The following RNF14 variants were observed in gnomAD, a reference collection of about 807,000 sequenced individuals.
RNF14 encodes the protein ring finger protein 14, also known as E3 ubiquitin-protein ligase RNF14.
Under a neutral mutation model 52.6 loss-of-function variants are expected in RNF14, and 26 were observed. The ratio of observed to expected loss-of-function variants is 0.49; its 90% CI spans 0.36 to 0.69. The LOEUF (loss-of-function observed/expected upper bound fraction) is 0.69. Ranked by LOEUF, RNF14 falls within the 30% of genes least tolerant of loss-of-function variation. The pLI is 0.00. For synonymous variants in RNF14, 194 were observed against 202.0 expected, an observed-to-expected ratio of 0.96 and a Z score of 0.34; for missense variants, 404 against 560.4, an observed-to-expected ratio of 0.72 and a Z score of 2.82.
At chr5:141,973,548 C>T (rs2126988864) in intron 2 of RNF14, 35 bp from the exon 3 acceptor site, 1 of 1,578,754 alleles carries the variant, frequency 6.3e-7, no homozygotes, top group Non-Finnish European at 8.6e-7. Context: ...AGCCTCTGTG[C>T]ATTTTCTGTT....
upstream of RNF14, among the ~76,000 whole-genome samples, chr5:141,968,491 T>G (rs565250519): frequency 3.3e-5 from 5 of 152,346 alleles, no homozygotes; most frequent in South Asian, 1.0e-3. Context: ...AGGAAGGAAG[T>G]GTATAATTTT....
upstream of RNF14, chr5:141,957,541 C>T (rs765136839): frequency 3.1e-6 from 5 of 1,614,196 alleles, no homozygotes; most frequent in Non-Finnish European, 4.2e-6. This position sits in a 1 kb window ranked among gnomAD's most constrained non-coding sequence, Gnocchi z 4.3. Context: ...GGAAACCAGG[C>T]AGGGATCCCA....
chr5:141,986,991 A>G lies in RNF14; in HGVS notation c.1368-742A>G, dbSNP rs78683441. ...ACGAAAACCTCAGTCCACATCCTCC[A>G]TAGACTGGCTAGAACCACTCCATGG... On this transcript the variant is annotated intron_variant, in intron 8 of 8. Transcript: ENST00000394520. 7.8e-3 allele frequency among the ~76,000 whole-genome samples: 1,181 copies of G among 152,350 alleles called. 14 individuals carry two copies. Among genetic ancestry groups the G allele is most frequent in the African/African-American group, 0.026 (1,096 of 41,580 alleles).
At chr5:141,957,168 G>T, upstream of RNF14, 1 of 1,614,200 alleles carries the variant, frequency 6.2e-7, no homozygotes, top group Non-Finnish European at 8.5e-7. This position sits in a 1 kb window ranked among gnomAD's most constrained non-coding sequence, Gnocchi z 4.3. Context: ...CCTTGACCAA[G>T]CTGGTACCTG....
At position 141,980,010 on chromosome 5, in the gene RNF14, A is replaced by C. The variant is rs1406654200; in HGVS notation, c.835-113A>C. 1.3e-5 allele frequency: 10 copies of C among 786,570 alleles called. No homozygotes were observed. In the East Asian group the frequency reaches 2.5e-4, roughly 19 times the overall value. 48.7% of individuals were successfully genotyped at this position (786,570 alleles called of 1,614,324 possible). A position where few individuals can be genotyped will look rare whatever the true frequency, so the allele number is the denominator to read the frequency against. On this transcript the variant is annotated intron_variant, in intron 5 of 8. Coordinates refer to ENST00000394520, the MANE Select transcript of RNF14 (RefSeq NM_004290.5). ...ACTTGGTTTGATTTTGAAGTGAAAG[A>C]GAGGTTTTAATTTATGTGCCCATCT...
At chr5:141,982,783 T>A (rs1211798356) in intron 6 of RNF14, 1 of 152,462 alleles carries the variant, frequency 6.6e-6, no homozygotes. Context: ...GTCTTTGCCC[T>A]TAAGCCAAAA....
chr5:141,986,492 T>A (rs777459127), intron 8 of RNF14, among the ~76,000 whole-genome samples: 6 of 152,220 alleles, frequency 3.9e-5, no homozygotes, highest in Non-Finnish European at 7.3e-5. Context: ...TCAGTTTAAA[T>A]TGCCTGACTT....
At chr5:141,953,351 T>C (rs993662716), upstream of RNF14, 3 of 152,206 alleles carry the variant, frequency 2.0e-5, no homozygotes, top group Admixed American at 1.3e-4. Context: ...ATGAGCTTAT[T>C]AATAAATCCC....
At chr5:141,952,711 T>G in the RNF14 span, 8 of 152,356 alleles carry the variant, frequency 5.3e-5, no homozygotes, top group East Asian at 1.5e-3. Flanking sequence ...GACCTCAGTT[T>G]CCTCATCTCT....
chr5:141,966,565 G>A (rs1236974430), upstream of RNF14, among the ~76,000 whole-genome samples: 1 of 152,114 alleles, frequency 6.6e-6, no homozygotes, highest in Non-Finnish European at 1.5e-5. Flanking sequence ...CACACGGGGA[G>A]ACTGCAGTTT....
upstream of RNF14, chr5:141,955,063 T>C: frequency 6.2e-7 from 1 of 1,614,214 alleles, no homozygotes; most frequent in Non-Finnish European, 8.5e-7. The surrounding 1 kb of genome is among the most constrained non-coding windows in gnomAD (Gnocchi z 5.5). Flanking sequence ...CCGCAGGATC[T>C]GACGGGGCCC....
intron 7 of RNF14, among the ~76,000 whole-genome samples, chr5:141,984,594 A>G (rs1755074436): frequency 6.6e-6 from 1 of 152,200 alleles, no homozygotes. Context: ...CCAAGTAACT[A>G]ATTGTAGTAA....
At chr5:141,972,037 A>T (rs1481983495) in intron 2 of RNF14, among the ~76,000 whole-genome samples, 1 of 152,138 alleles carries the variant, frequency 6.6e-6, no homozygotes, top group Non-Finnish European at 1.5e-5. Flanking sequence ...CATAATGGTG[A>T]ATCTTTAAAT....
intron 2 of RNF14, among the ~76,000 whole-genome samples, chr5:141,971,285 A>G (rs1337270544): frequency 1.3e-5 from 2 of 152,238 alleles, no homozygotes; most frequent in Non-Finnish European, 2.9e-5. Flanking sequence ...TCTGTCCCCC[A>G]GGCTGGAGTG....
At chr5:141,958,911 A>G (rs1416913947) in intron 1 of RNF14, 2 of 152,312 alleles carry the variant, frequency 1.3e-5, no homozygotes, top group Admixed American at 6.5e-5. Flanking sequence ...TGTAATCTGC[A>G]CAACTTGTCA....
chr5:141,957,689 G>A (rs200451693), upstream of RNF14: 58 of 1,614,004 alleles, frequency 3.6e-5, no homozygotes, highest in East Asian at 8.9e-5. The surrounding 1 kb of genome is among the most constrained non-coding windows in gnomAD (Gnocchi z 4.3). Context: ...CTCTCCTCCC[G>A]GCCCAGTTCC....
upstream of RNF14, chr5:141,955,235 C>T (rs778658899): frequency 2.5e-6 from 4 of 1,614,236 alleles, no homozygotes; most frequent in Admixed American, 5.0e-5. The surrounding 1 kb of genome is among the most constrained non-coding windows in gnomAD (Gnocchi z 5.5). Flanking sequence ...CGTGGCTGGC[C>T]TGTGGCAGGC....
intron 5 of RNF14, 22 bp from the exon 6 acceptor site, chr5:141,980,101 G>A (rs2127024639): frequency 1.3e-6 from 2 of 1,593,448 alleles, no homozygotes; most frequent in East Asian, 4.5e-5. Flanking sequence ...TCAAACCTAT[G>A]GTGTTTTGTA....
chr5:141,982,089 A>T (rs918612022), intron 6 of RNF14, among the ~76,000 whole-genome samples: 1 of 152,172 alleles, frequency 6.6e-6, no homozygotes, highest in Non-Finnish European at 1.5e-5. Context: ...TAACCTTTTC[A>T]TTAAAAGTCA....
Sources: allele counts gnomAD v4.1 joint callset (sites outside exome capture counted in the v4.1 genomes callset), GRCh38; gene constraint gnomAD v4.1.1; non-coding constraint Gnocchi (gnomAD v3.1); transcripts MANE v1.5; gene names NCBI Gene and HGNC (gene_info 2026-07-23, HGNC 2026-07-21).